Variants in FAM78B observed in about 807,000 individuals in gnomAD.
The protein encoded by FAM78B is family with sequence similarity 78 member B, also known as protein FAM78B.
Under a neutral mutation model 20.0 loss-of-function variants are expected in FAM78B, and 10 were observed. That is an observed-to-expected ratio of 0.50 (90% CI 0.31 to 0.85). FAM78B has a LOEUF of 0.85. Ranked by LOEUF, FAM78B falls within the 40% of genes least tolerant of loss-of-function variation. The pLI, the probability that FAM78B is intolerant of heterozygous loss-of-function variation, is 0.05. For synonymous variants in FAM78B, 135 were observed against 132.8 expected, an observed-to-expected ratio of 1.02 and a Z score of -0.12; for missense variants, 283 against 345.0, an observed-to-expected ratio of 0.82 and a Z score of 1.42.
At chr1:166,091,002 G>A (rs1298121966) in intron 1 of FAM78B, among the ~76,000 whole-genome samples, 1 of 152,170 alleles carries the variant, frequency 6.6e-6, no homozygotes, top group Non-Finnish European at 1.5e-5. Flanking sequence ...TTGGGGAGGT[G>A]AAGAAACTGG....
chr1:166,158,627 G>A (rs1224601426), intron 1 of FAM78B, among the ~76,000 whole-genome samples: 6 of 152,114 alleles, frequency 3.9e-5, no homozygotes, highest in Admixed American at 3.3e-4. Flanking sequence ...AACTCTCCTG[G>A]CACAGGCACA....
downstream of FAM78B, among the ~76,000 whole-genome samples, chr1:166,069,207 C>A (rs1301266206): frequency 6.6e-6 from 1 of 150,512 alleles, no homozygotes; most frequent in Admixed American, 6.6e-5. Context: ...ATGCTATATG[C>A]ATCATGTGTG....
rs570225065 is a variant in FAM78B at position 166,114,539 on chromosome 1, A to G, written c.264-43776T>C. ...CTCCAGAACCAATTTTCAAGGAGAAAAGAAGAAATGCACTGCAAGCAAGAA... is the reference window on the plus strand; with the variant it reads ...CTCCAGAACCAATTTTCAAGGAGAAGAGAAGAAATGCACTGCAAGCAAGAA... On this transcript the variant is annotated intron_variant, in intron 1 of 1. Coordinates refer to ENST00000354422, the MANE Select transcript of FAM78B (RefSeq NM_001017961.5). Among the ~76,000 whole-genome samples, 4 of 152,334 alleles carry G rather than the reference A, an allele frequency of 2.6e-5. No homozygotes were observed. In the East Asian group the frequency reaches 7.7e-4, roughly 29 times the overall value.
intron 1 of FAM78B, among the ~76,000 whole-genome samples, chr1:166,097,584 G>A (rs1305609362): frequency 6.6e-6 from 1 of 152,134 alleles, no homozygotes; most frequent in Non-Finnish European, 1.5e-5. Context: ...GGTTGCGTGG[G>A]AGCTGGGTAA....
At position 166,070,100 on chromosome 1, in the gene FAM78B, C is replaced by T. The variant is rs1378743669; in HGVS notation, c.*141G>A. On this transcript the variant is annotated 3_prime_UTR_variant, in exon 2 of 2. Transcript: ENST00000354422. ...TTCTACCACCCAAGGAGCAGCCCTA[C>T]TCTTCAAAAGTGGCTGCAAAGGCTG... is the stretch of plus-strand genomic sequence containing the variant. 3 of 1,381,894 alleles carry T rather than the reference C, an allele frequency of 2.2e-6. No homozygotes were observed. Among genetic ancestry groups the T allele is most frequent in the Non-Finnish European group, 2.8e-6 (3 of 1,062,556 alleles). 85.6% of individuals were successfully genotyped at this position (1,381,894 alleles called of 1,614,324 possible).
chr1:166,065,084 T>A (rs1651749829), downstream of FAM78B, among the ~76,000 whole-genome samples: 1 of 152,220 alleles, frequency 6.6e-6, no homozygotes, highest in African/African-American at 2.4e-5. Flanking sequence ...GCTTATTCTG[T>A]CTGGTTAAAG....
chr1:166,100,266 C>T lies in FAM78B; in HGVS notation c.264-29503G>A, dbSNP rs1022774988. On this transcript the variant is annotated intron_variant, in intron 1 of 1. Transcript: ENST00000354422. ...TCCAGTATACAGCTCCCAGCAGGAGCGATGCAGAAGACGGATGATTTCTGC... is the reference window on the plus strand; with the variant it reads ...TCCAGTATACAGCTCCCAGCAGGAGTGATGCAGAAGACGGATGATTTCTGC... 6.6e-5 allele frequency among the ~76,000 whole-genome samples: 10 copies of T among 152,202 alleles called. 1 individual carries two copies. Among genetic ancestry groups the T allele is most frequent in the South Asian group, 6.2e-4 (3 of 4,828 alleles).
At chr1:166,152,145 C>T (rs1655697980) in intron 1 of FAM78B, among the ~76,000 whole-genome samples, 1 of 152,204 alleles carries the variant, frequency 6.6e-6, no homozygotes, top group African/African-American at 2.4e-5. Flanking sequence ...AAGGGCCCTT[C>T]AGTGTTCCTA....
intron 1 of FAM78B, among the ~76,000 whole-genome samples, chr1:166,102,998 A>G (rs1291422593): frequency 6.6e-6 from 1 of 152,246 alleles, no homozygotes; most frequent in African/African-American, 2.4e-5. Flanking sequence ...AAGAAATTAT[A>G]ACAGTGTCTC....
At chr1:166,140,933 T>C (rs977702441) in intron 1 of FAM78B, among the ~76,000 whole-genome samples, 7 of 152,338 alleles carry the variant, frequency 4.6e-5, no homozygotes, top group African/African-American at 1.4e-4. Flanking sequence ...CAGAGGAACC[T>C]GGCAACTTAC....
At chr1:166,086,882 G>A (rs1182993049) in intron 1 of FAM78B, among the ~76,000 whole-genome samples, 3 of 152,096 alleles carry the variant, frequency 2.0e-5, no homozygotes. Context: ...AACTAGAGGG[G>A]CAGAGAGACT....
chr1:166,059,706 C>G (rs41269660), exon 3 of FAM78B: 1 of 152,148 alleles, frequency 6.6e-6, no homozygotes. Context: ...GACAGTCAAG[C>G]CTCTGCTGAT....
At chr1:166,164,546 T>C (rs1298490231) in intron 1 of FAM78B, among the ~76,000 whole-genome samples, 1 of 152,242 alleles carries the variant, frequency 6.6e-6, no homozygotes, top group Non-Finnish European at 1.5e-5. Flanking sequence ...GGGCCTCACA[T>C]TTCTTCACTA....
intron 1 of FAM78B, among the ~76,000 whole-genome samples, chr1:166,140,413 T>C (rs937634659): frequency 1.3e-5 from 2 of 152,200 alleles, no homozygotes; most frequent in Non-Finnish European, 2.9e-5. Context: ...CCAGAAACCA[T>C]GGTCATAAAT....
At chr1:166,124,437 T>C (rs1042598040) in intron 1 of FAM78B, among the ~76,000 whole-genome samples, 1 of 152,270 alleles carries the variant, frequency 6.6e-6, no homozygotes, top group Non-Finnish European at 1.5e-5. Flanking sequence ...ATTTGGTATA[T>C]TTTAATTCAC....
chr1:166,109,901 T>TATATATATATATATATATAC (rs1653977930), intron 1 of FAM78B, among the ~76,000 whole-genome samples: 1 of 99,916 alleles, frequency 1.0e-5, no homozygotes, highest in Non-Finnish European at 2.1e-5. Flanking sequence ...TATATATATA[T>TATATATATATATATATATAC]ATATATATAT....
intron 1 of FAM78B, among the ~76,000 whole-genome samples, chr1:166,074,270 C>T (rs1652171174): frequency 6.6e-6 from 1 of 152,184 alleles, no homozygotes; most frequent in Non-Finnish European, 1.5e-5. Flanking sequence ...ACTGCTGTGC[C>T]CTCTGCCTAT....
intron 1 of FAM78B, chr1:166,082,532 C>T (rs1652622679): frequency 6.6e-6 from 1 of 152,282 alleles, no homozygotes; most frequent in Admixed American, 6.5e-5. Context: ...CTTGCAGCTC[C>T]AGGCCACCTT....
chr1:166,137,855 T>C (rs1372265152), intron 1 of FAM78B, among the ~76,000 whole-genome samples: 3 of 152,210 alleles, frequency 2.0e-5, no homozygotes, highest in African/African-American at 7.2e-5. Context: ...ACCTGCAGGC[T>C]TCCTGTCTAC....
Sources: gnomAD v4.1 joint callset for allele counts (sites outside exome capture counted in the v4.1 genomes callset) on GRCh38, gnomAD v4.1.1 for gene constraint, MANE v1.5 for transcripts, NCBI Gene and HGNC (gene_info 2026-07-23, HGNC 2026-07-21) for gene names.